The following CHD9 variants were observed in gnomAD, a reference collection of about 807,000 sequenced individuals.
CHD9 encodes ATP-dependent chromatin remodeler CHD9.
Under a neutral mutation model 316.1 loss-of-function variants are expected in CHD9, and 77 were observed. The ratio of observed to expected loss-of-function variants is 0.24; its 90% confidence interval spans 0.20 to 0.29. The LOEUF (loss-of-function observed/expected upper bound fraction) is 0.29. CHD9 is among the 10% of genes least tolerant of loss of function. The probability of loss-of-function intolerance (pLI) is 1.00; values close to 1 mark genes in which losing one functional copy is unlikely to be tolerated. For synonymous variants in CHD9, 1,129 were observed against 1,158.3 expected (o/e 0.97, Z 0.51); for missense variants, 2,763 against 3,438.1 (o/e 0.80, Z 4.91).
chr16:53,254,595 A>T lies in CHD9; in HGVS notation c.4019A>T (p.Asn1340Ile). Residue 1340 changes from asparagine (N) to isoleucine (I), a missense_variant, in exon 18 of 39, where the codon AAT (asparagine) becomes ATT (isoleucine). Transcript: ENST00000447540. ...CAGAGCATGAGTGGAAGAGAAAGTA[A>T]TGTTGGTGGTGTATGTATAGTTTCT... ...VLQSMSGRES[N>I]VGGIQQLSKK... 1 of 1,601,748 alleles carries T rather than the reference A, an allele frequency of 6.2e-7. No individual in the cohort carries two copies. The highest frequency in any genetic ancestry group is 1.7e-5 in the Admixed American group (1 of 58,312).
At chr16:53,242,327 T>G (rs898549298) in intron 12 of CHD9, among the ~76,000 whole-genome samples, 1 of 152,244 alleles carries the variant, frequency 6.6e-6, no homozygotes, top group African/African-American at 2.4e-5. Context: ...AGAATATAAG[T>G]TCTAATTGGA....
Position 53,258,330 on chromosome 16 carries a change from C to T in CHD9, c.4209+2551C>T, listed in dbSNP as rs549176698. 1.1e-4 allele frequency among the ~76,000 whole-genome samples: 16 copies of T among 152,248 alleles called. No homozygotes were observed. In the South Asian group the frequency reaches 1.2e-3, roughly 12 times the overall value. On this transcript the variant is annotated intron_variant, in intron 19 of 38. Transcript: ENST00000447540. ...CTCTGAGAATTGAGAAATGCTTAAACATTTGAATATCTACTTTAAATCCTC... is the reference window on the plus strand; with the variant it reads ...CTCTGAGAATTGAGAAATGCTTAAATATTTGAATATCTACTTTAAATCCTC...
chr16:53,149,576 ATTT>A, intron 1 of CHD9, among the ~76,000 whole-genome samples: 1 of 130,958 alleles, frequency 7.6e-6, no homozygotes, highest in African/African-American at 2.8e-5. Flanking sequence ...GTACCCAGCC[ATTT>A]TTTTTTTTTT....
intron 2 of CHD9, among the ~76,000 whole-genome samples, chr16:53,192,247 A>T (rs2044539772): frequency 2.0e-5 from 3 of 152,344 alleles, no homozygotes; most frequent in South Asian, 4.1e-4. Context: ...TGTGGGACTA[A>T]GCCACATACA....
Position 53,062,882 on chromosome 16 carries a change from T to C in CHD9, c.-165+7805T>C, listed in dbSNP as rs2033068812. ...CCCATCTCTACTAAAAATACAAAAT[T>C]AGCCAGGCACATGCCTGTAATCCCA... On this transcript the variant is annotated intron_variant, in intron 1 of 38. Coordinates refer to ENST00000447540, the MANE Select transcript of CHD9 (RefSeq NM_001308319.2). Among the ~76,000 whole-genome samples the C allele has an allele frequency of 2.0e-5, 3 of 151,970 alleles. No individual in the cohort carries two copies. In the South Asian group the frequency reaches 6.2e-4, roughly 32 times the overall value.
intron 24 of CHD9, among the ~76,000 whole-genome samples, chr16:53,279,913 T>G (rs2053240432): frequency 6.6e-6 from 1 of 151,968 alleles, no homozygotes; most frequent in Non-Finnish European, 1.5e-5. Context: ...TCAACAAACA[T>G]AAGAAAAAAT....
rs200718526 is a variant in CHD9 at position 53,238,345 on chromosome 16, G to A, written c.2636G>A (p.Arg879Gln). The A allele has an allele frequency of 1.1e-5, 18 of 1,609,268 alleles. No individual in the cohort carries two copies. The highest frequency in any genetic ancestry group is 8.8e-5 in the South Asian group (8 of 90,694). The change falls in exon 12 of 39, where the codon CGA becomes CAA. Residue 879 changes from arginine (R) to glutamine (Q), a missense_variant and splice_region_variant. Physicochemically the swap from Arg to Gln is conservative, Grantham distance 43 (BLOSUM62 1). Around this residue, in one of 15 missense-constraint regions of CHD9, gnomAD observed 186 missense variants for 245.0 expected, o/e 0.76. Coordinates refer to ENST00000447540, the MANE Select transcript of CHD9 (RefSeq NM_001308319.2). ...NWLLFNWYNR[R>Q]NCILADEMGL... ...GATAATGTATTTGTTTATTTCAGAC[G>A]AAACTGCATCTTAGCAGATGAAATG...
At chr16:53,287,564 C>G (rs2053985932) in intron 26 of CHD9, among the ~76,000 whole-genome samples, 1 of 152,164 alleles carries the variant, frequency 6.6e-6, no homozygotes, top group South Asian at 2.1e-4. Context: ...CCCGTCTCTA[C>G]TAAAGATACA....
intron 1 of CHD9, among the ~76,000 whole-genome samples, chr16:53,140,095 TAAAAAAA>T (rs941453780): frequency 2.1e-5 from 3 of 145,470 alleles, no homozygotes; most frequent in African/African-American, 7.5e-5. Flanking sequence ...GACCCTATCT[TAAAAAAA>T]AAAAAATTCT....
In CHD9 at chr16:53,234,597, T is replaced by G. The variant is rs187718853; in HGVS notation, c.2512-588T>G. 4.4e-3 allele frequency among the ~76,000 whole-genome samples: 674 copies of G among 152,184 alleles called. 5 individuals carry two copies. The highest frequency in any genetic ancestry group is 0.016 in the African/African-American group (648 of 41,518). On this transcript the variant is annotated intron_variant, in intron 10 of 38. Coordinates refer to ENST00000447540, the MANE Select transcript of CHD9 (RefSeq NM_001308319.2). The stretch of plus-strand genomic sequence containing the variant: ...ACTGAGAGTACCATGTTATTTTTGG[T>G]TTTTTTATGTTTTATGTTTTTTTAA...
chr16:53,277,205 T>C (rs573448007), intron 24 of CHD9, among the ~76,000 whole-genome samples: 1 of 152,292 alleles, frequency 6.6e-6, no homozygotes, highest in East Asian at 1.9e-4. Context: ...CCAATCCTTT[T>C]GACACTATTC....
At chr16:53,204,269 C>G (rs1391075844) in intron 2 of CHD9, among the ~76,000 whole-genome samples, 12 of 151,952 alleles carry the variant, frequency 7.9e-5, no homozygotes, top group Admixed American at 5.9e-4. Flanking sequence ...TATCCACACA[C>G]TAGTGATCCA....
chr16:53,099,699 A>G (rs1039388429), intron 1 of CHD9, among the ~76,000 whole-genome samples: 12 of 152,112 alleles, frequency 7.9e-5, no homozygotes, highest in African/African-American at 2.9e-4. Context: ...CCGCTGAGTC[A>G]CACACCTCCC....
At chr16:53,130,530 G>T (rs940748979) in intron 1 of CHD9, among the ~76,000 whole-genome samples, 1 of 148,982 alleles carries the variant, frequency 6.7e-6, no homozygotes, top group African/African-American at 2.4e-5. Flanking sequence ...GCGGCCTGAC[G>T]TGGCGGCCGC....
chr16:53,202,268 G>A (rs983975767), intron 2 of CHD9, among the ~76,000 whole-genome samples: 7 of 152,012 alleles, frequency 4.6e-5, no homozygotes, highest in African/African-American at 7.2e-5. Context: ...TATTTCTCCA[G>A]TTGCTAAGTA....
chr16:53,129,120 T>C (rs950373348), intron 1 of CHD9, among the ~76,000 whole-genome samples: 1 of 152,234 alleles, frequency 6.6e-6, no homozygotes, highest in African/African-American at 2.4e-5. Flanking sequence ...ATAATGTTGA[T>C]AATTATAGCA....
intron 1 of CHD9, among the ~76,000 whole-genome samples, chr16:53,090,963 T>C (rs2035883284): frequency 6.6e-6 from 1 of 152,062 alleles, no homozygotes; most frequent in Non-Finnish European, 1.5e-5. Flanking sequence ...AGGCATCTGC[T>C]GCCCTGTGTT....
At chr16:53,190,568 A>G (rs2044398457) in intron 2 of CHD9, among the ~76,000 whole-genome samples, 1 of 152,068 alleles carries the variant, frequency 6.6e-6, no homozygotes, top group African/African-American at 2.4e-5. Flanking sequence ...GGTTATGCTT[A>G]TCTTCCTCCA....
At chr16:53,238,067 A>G (rs1258895769) in intron 11 of CHD9, among the ~76,000 whole-genome samples, 1 of 152,164 alleles carries the variant, frequency 6.6e-6, no homozygotes, top group Non-Finnish European at 1.5e-5. Flanking sequence ...ATTCCTGAAC[A>G]AATAATATAT....
Sources: gnomAD v4.1 joint callset for allele counts (sites outside exome capture counted in the v4.1 genomes callset) on GRCh38, gnomAD v4.1.1 for gene constraint, gnomAD v4.1.1 regional missense constraint, MANE v1.5 for transcripts, NCBI Gene and HGNC (gene_info 2026-07-23, HGNC 2026-07-21) for gene names.